Variants in USP12 observed in about 807,000 individuals in gnomAD.
USP12 encodes the protein ubiquitin specific peptidase 12.
USP12 carries 19 observed loss-of-function variants against 45.5 expected under a neutral mutation model. The ratio of observed to expected loss-of-function variants is 0.42; its 90% CI spans 0.29 to 0.61. The LOEUF (loss-of-function observed/expected upper bound fraction) is 0.61. Among genes scored for constraint, USP12 ranks in the 20% least tolerant of loss-of-function variants. USP12 has a pLI of 0.22. For missense variants in USP12, 242 were observed against 447.7 expected (o/e 0.54, Z 4.15); for synonymous variants, 149 against 148.8 (o/e 1.00, Z -0.01).
chr13:27,163,170 T>G (rs993697456), intron 1 of USP12, among the ~76,000 whole-genome samples: 4 of 152,194 alleles, frequency 2.6e-5, no homozygotes, highest in African/African-American at 9.7e-5. Flanking sequence ...GTTTCTTATA[T>G]CCTCATGACT....
At chr13:27,133,594 G>A (rs146107525) in intron 1 of USP12, among the ~76,000 whole-genome samples, 115 of 145,678 alleles carry the variant, frequency 7.9e-4, no homozygotes, top group African/African-American at 2.7e-3. Flanking sequence ...GCGCCACTGC[G>A]CTCCAGCCTG....
chr13:27,162,332 C>G (rs1464845823), intron 1 of USP12, among the ~76,000 whole-genome samples: 1 of 152,118 alleles, frequency 6.6e-6, no homozygotes, highest in African/African-American at 2.4e-5. Flanking sequence ...TAAAAATTCC[C>G]CAATCTCTTG....
intron 1 of USP12, among the ~76,000 whole-genome samples, chr13:27,138,696 A>G (rs1876921031): frequency 1.3e-5 from 2 of 152,208 alleles, no homozygotes; most frequent in Admixed American, 6.5e-5. Flanking sequence ...GCCATGTGAC[A>G]GGCTGTTTAC....
chr13:27,105,249 G>A (rs1875075370), intron 3 of USP12, among the ~76,000 whole-genome samples: 1 of 152,194 alleles, frequency 6.6e-6, no homozygotes. Context: ...GTCTTTTCTA[G>A]CTCCTTCCCC....
chr13:27,101,504 T>C (rs1389001231), intron 3 of USP12, among the ~76,000 whole-genome samples: 1 of 152,342 alleles, frequency 6.6e-6, no homozygotes, highest in Middle Eastern at 3.4e-3. Context: ...AGGAACTGGA[T>C]TATGTGCTGG....
At chr13:27,140,827 A>T (rs541749797) in intron 1 of USP12, among the ~76,000 whole-genome samples, 24 of 152,272 alleles carry the variant, frequency 1.6e-4, no homozygotes, top group African/African-American at 5.5e-4. Flanking sequence ...ATTATGTCCA[A>T]GTCAGCTGAC....
At chr13:27,084,497 G>GAAAAA (rs397851869) in intron 6 of USP12, among the ~76,000 whole-genome samples, 3 of 98,482 alleles carry the variant, frequency 3.0e-5, no homozygotes, top group African/African-American at 8.1e-5. Flanking sequence ...ACAGTGAGAT[G>GAAAAA]AAAAAAAAAA....
At chr13:27,138,309 G>GT (rs1479315398) in intron 1 of USP12, among the ~76,000 whole-genome samples, 1 of 152,150 alleles carries the variant, frequency 6.6e-6, no homozygotes, top group Non-Finnish European at 1.5e-5. Context: ...AACAAATCCA[G>GT]TTTCTCAGAA....
Position 27,143,561 on chromosome 13 carries a change from A to G in USP12, c.49-26965T>C, listed in dbSNP as rs370944464. ...GTGCTGGAGAAAAAGCTATTGGTCA[A>G]CTGCCAAATCCCTCAGATTACATGG... is the stretch of plus-strand genomic sequence containing the variant. On this transcript the variant is annotated intron_variant, in intron 1 of 8. Transcript: ENST00000282344. 3.3e-4 allele frequency among the ~76,000 whole-genome samples: 51 copies of G among 152,350 alleles called. 2 individuals carry two copies. The South Asian group carries it at 9.5e-3, about 28-fold the overall frequency.
At chr13:27,103,737 A>G in intron 3 of USP12, among the ~76,000 whole-genome samples, 1 of 145,050 alleles carries the variant, frequency 6.9e-6, no homozygotes, top group Non-Finnish European at 1.5e-5. Flanking sequence ...ATGAGACCCC[A>G]TCTCTACCAA....
intron 1 of USP12, among the ~76,000 whole-genome samples, chr13:27,163,768 T>TAAAAAA (rs34384911): frequency 1.2e-5 from 1 of 83,290 alleles, no homozygotes. Flanking sequence ...AGACCTGTCT[T>TAAAAAA]AAAAAAAAAA....
intron 1 of USP12, among the ~76,000 whole-genome samples, chr13:27,165,897 T>C (rs2137848913): frequency 6.6e-6 from 1 of 152,174 alleles, no homozygotes; most frequent in African/African-American, 2.4e-5. Flanking sequence ...ACTCCCAAGA[T>C]GTTCTAGAAA....
intron 1 of USP12, among the ~76,000 whole-genome samples, chr13:27,120,652 C>G (rs954825593): frequency 2.0e-5 from 3 of 151,832 alleles, no homozygotes; most frequent in African/African-American, 7.3e-5. Context: ...TGCTCTGGAG[C>G]CTTCATAGGT....
chr13:27,156,695 C>T (rs1425260167), intron 1 of USP12, among the ~76,000 whole-genome samples: 2 of 152,130 alleles, frequency 1.3e-5, no homozygotes, highest in African/African-American at 2.4e-5. Context: ...GTGGCAGGCA[C>T]CTGTAATCCC....
intron 1 of USP12, among the ~76,000 whole-genome samples, chr13:27,147,189 C>T (rs1877344249): frequency 6.6e-6 from 1 of 152,160 alleles, no homozygotes; most frequent in African/African-American, 2.4e-5. Context: ...ATGGTATAAA[C>T]TCCACGCAGC....
rs1479718019 is a variant in USP12 at position 27,129,351 on chromosome 13, A to G, written c.49-12755T>C. Among the ~76,000 whole-genome samples the G allele has an allele frequency of 6.6e-6, 1 of 152,240 alleles. No individual in the cohort carries two copies. The highest frequency in any genetic ancestry group is 2.4e-5 in the African/African-American group (1 of 41,464). On this transcript the variant is annotated intron_variant, in intron 1 of 8. Coordinates refer to ENST00000282344, the MANE Select transcript of USP12 (RefSeq NM_182488.4). The surrounding 1 kb of genome is among the most constrained non-coding windows in gnomAD (Gnocchi z 4.0). ...TAAAACTGTGGAAGAACTGAAAACA[A>G]CTTTTAAGTTCTGCAAAAATAAAAA...
At chr13:27,135,360 A>T (rs987545250) in intron 1 of USP12, among the ~76,000 whole-genome samples, 10 of 152,356 alleles carry the variant, frequency 6.6e-5, no homozygotes, top group African/African-American at 2.4e-4. Context: ...AAATTTTTTA[A>T]GTAAACTTTT....
intron 2 of USP12, among the ~76,000 whole-genome samples, chr13:27,112,466 T>C (rs987762250): frequency 2.6e-5 from 4 of 151,820 alleles, no homozygotes; most frequent in African/African-American, 9.7e-5. Context: ...TTTTTTTTTT[T>C]TTAAGAGACA....
chr13:27,123,632 A>G (rs954070424), intron 1 of USP12, among the ~76,000 whole-genome samples: 6 of 152,188 alleles, frequency 3.9e-5, no homozygotes, highest in Non-Finnish European at 7.3e-5. Context: ...GTGATAGTGA[A>G]TAAGTCTCAT....
Sources: gnomAD v4.1 joint callset for allele counts (sites outside exome capture counted in the v4.1 genomes callset) on GRCh38, gnomAD v4.1.1 for gene constraint, Gnocchi (gnomAD v3.1) non-coding constraint, MANE v1.5 for transcripts, NCBI Gene and HGNC (gene_info 2026-07-23, HGNC 2026-07-21) for gene names.